NKAIN3: variants seen among roughly 807,000 people sequenced by gnomAD.
The protein encoded by NKAIN3 is sodium/potassium-transporting ATPase subunit beta-1-interacting protein 3.
In NKAIN3, 25 loss-of-function variants were observed where a neutral mutation model predicts 30.2. That is an observed-to-expected ratio of 0.83 (90% confidence interval 0.60 to 1.16). NKAIN3 has a LOEUF of 1.16. Ranked by LOEUF, NKAIN3 falls within the 50% of genes most tolerant of loss-of-function variation. The probability of loss-of-function intolerance (pLI) is 0.00; values close to 1 mark genes in which losing one functional copy is unlikely to be tolerated. For missense variants in NKAIN3, 225 were observed against 254.1 expected, an observed-to-expected ratio of 0.89 and a Z score of 0.78; for synonymous variants, 91 against 89.6, an observed-to-expected ratio of 1.02 and a Z score of -0.09.
chr8:62,407,042 A>G (rs1183080984), intron 1 of NKAIN3, among the ~76,000 whole-genome samples: 1 of 152,150 alleles, frequency 6.6e-6, no homozygotes, highest in African/African-American at 2.4e-5. Context: ...TGAATGTAAA[A>G]CATTTGCAAT....
At chr8:62,723,317 A>C (rs897894246) in intron 3 of NKAIN3, among the ~76,000 whole-genome samples, 3 of 152,130 alleles carry the variant, frequency 2.0e-5, no homozygotes, top group Admixed American at 6.6e-5. Flanking sequence ...CACACACACA[A>C]AAAATTGTTT....
rs77604681 is a variant in NKAIN3 at position 62,394,802 on chromosome 8, T to G, written c.54+145675T>G. Reference sequence around the variant, plus strand: ...GATGGTGGGGCGGCCAAGCAGAGACTCTCATCACTTCTCAGATGGTGGGGC... The same window carrying G: ...GATGGTGGGGCGGCCAAGCAGAGACGCTCATCACTTCTCAGATGGTGGGGC... On this transcript the variant is annotated intron_variant, in intron 1 of 6. Coordinates refer to ENST00000623646, the MANE Select transcript of NKAIN3 (RefSeq NM_001304533.3). Among the ~76,000 whole-genome samples, 456 of 95,804 alleles carry G rather than the reference T, an allele frequency of 4.8e-3. 1 individual carries two copies. The highest frequency in any genetic ancestry group is 0.01 in the Middle Eastern group (1 of 96). 62.9% of individuals were successfully genotyped at this position (95,804 alleles called of 152,430 possible).
At chr8:62,893,875 G>A (rs1022830593) in intron 4 of NKAIN3, among the ~76,000 whole-genome samples, 11 of 152,160 alleles carry the variant, frequency 7.2e-5, no homozygotes, top group African/African-American at 2.7e-4. Context: ...GTAAAACAGA[G>A]CCTTGAAAGG....
chr8:62,884,963 C>T (rs1211122339), intron 4 of NKAIN3, among the ~76,000 whole-genome samples: 4 of 151,844 alleles, frequency 2.6e-5, no homozygotes, highest in Admixed American at 2.6e-4. Context: ...ATTTTCTCTA[C>T]TGATTTTTTC....
rs1299730481 is a variant in NKAIN3, at chr8:62,421,935, G to A, written c.55-157604G>A. Reference sequence around the variant, plus strand: ...CTGGGATTCAAACTCAAGCCTCCAGGGCTCTGACTCCTCATCACTGCACAC... The same window carrying A: ...CTGGGATTCAAACTCAAGCCTCCAGAGCTCTGACTCCTCATCACTGCACAC... On this transcript the variant is annotated intron_variant, in intron 1 of 6. Coordinates refer to ENST00000623646, the MANE Select transcript of NKAIN3 (RefSeq NM_001304533.3). 2.0e-5 allele frequency among the ~76,000 whole-genome samples: 3 copies of A among 151,874 alleles called. No individual in the cohort carries two copies. In the East Asian group the frequency reaches 5.8e-4, roughly 29 times the overall value.
At chr8:62,325,760 G>A (rs1585682578) in intron 1 of NKAIN3, among the ~76,000 whole-genome samples, 2 of 151,934 alleles carry the variant, frequency 1.3e-5, no homozygotes, top group African/African-American at 4.8e-5. Flanking sequence ...TGAAATTCAA[G>A]TAACTTTAAT....
chr8:62,331,354 T>A (rs1563936843), intron 1 of NKAIN3, among the ~76,000 whole-genome samples: 1 of 152,006 alleles, frequency 6.6e-6, no homozygotes. Flanking sequence ...TGCCACCTGA[T>A]GCCTATCTCC....
At chr8:62,538,666 T>C (rs1808743717) in intron 1 of NKAIN3, among the ~76,000 whole-genome samples, 1 of 152,212 alleles carries the variant, frequency 6.6e-6, no homozygotes, top group African/African-American at 2.4e-5. Context: ...TTTCAGATAT[T>C]CCATATCACT....
intron 1 of NKAIN3, among the ~76,000 whole-genome samples, chr8:62,523,344 T>A (rs1808212564): frequency 6.6e-6 from 1 of 152,122 alleles, no homozygotes; most frequent in South Asian, 2.1e-4. Flanking sequence ...TCAGAACATA[T>A]CTCATTGTTA....
intron 5 of NKAIN3, among the ~76,000 whole-genome samples, chr8:62,930,749 G>T (rs1167144547): frequency 2.0e-5 from 3 of 151,424 alleles, no homozygotes; most frequent in Non-Finnish European, 1.5e-5. Flanking sequence ...TGTCACCCAG[G>T]CTAGAGTGCA....
At chr8:62,826,744 A>G (rs1464460810) in intron 4 of NKAIN3, among the ~76,000 whole-genome samples, 1 of 152,216 alleles carries the variant, frequency 6.6e-6, no homozygotes, top group Admixed American at 6.5e-5. Flanking sequence ...GGAAATGCTA[A>G]TTAATTATAC....
rs149912269 is a variant in NKAIN3, at chr8:62,991,812, T to C, written c.533-7419T>C. Among the ~76,000 whole-genome samples the C allele has an allele frequency of 1.3e-3, 192 of 152,338 alleles. 1 individual carries two copies. The Middle Eastern group carries it at 0.024, about 19-fold the overall frequency. On this transcript the variant is annotated intron_variant, in intron 5 of 5. Coordinates refer to the NKAIN3 transcript ENST00000519049. ...TGTTAATGCAATACTTTTAGAACTC[T>C]TTAATTGAACGTGTCTTTAAGGGAC...
rs6983896 is a variant in NKAIN3 at position 62,974,656 on chromosome 8, A to G, written c.*9249A>G. Among the ~76,000 whole-genome samples, 1 of 152,036 alleles carries G rather than the reference A, an allele frequency of 6.6e-6. No homozygotes were observed. The highest frequency in any genetic ancestry group is 1.5e-5 in the Non-Finnish European group (1 of 67,988). ...TTCCTATTCGAATACGCTTTATTTCATTCTCTTGCCTGTTTGCCCTGGCCA... is the reference window on the plus strand; with the variant it reads ...TTCCTATTCGAATACGCTTTATTTCGTTCTCTTGCCTGTTTGCCCTGGCCA... On this transcript the variant is annotated 3_prime_UTR_variant, in exon 7 of 7. Coordinates refer to ENST00000623646, the MANE Select transcript of NKAIN3 (RefSeq NM_001304533.3).
intron 1 of NKAIN3, among the ~76,000 whole-genome samples, chr8:62,407,189 G>A (rs2129595629): frequency 6.6e-6 from 1 of 151,756 alleles, no homozygotes; most frequent in Non-Finnish European, 1.5e-5. Context: ...ACCATTCAGA[G>A]ATAAACATAT....
chr8:62,621,551 CTTTTTCAT>C (rs1563487461), intron 3 of NKAIN3, among the ~76,000 whole-genome samples: 2 of 151,798 alleles, frequency 1.3e-5, no homozygotes, highest in African/African-American at 4.8e-5. Flanking sequence ...GCATTTTTCA[CTTTTTCAT>C]ATAATAAAAG....
chr8:62,385,018 T>C (rs1329099126), intron 1 of NKAIN3, among the ~76,000 whole-genome samples: 1 of 152,160 alleles, frequency 6.6e-6, no homozygotes, highest in East Asian at 1.9e-4. Context: ...CTGAATTTAT[T>C]CATTTTGGGA....
chr8:62,347,483 C>T (rs983306368), intron 1 of NKAIN3, among the ~76,000 whole-genome samples: 1 of 151,926 alleles, frequency 6.6e-6, no homozygotes, highest in Non-Finnish European at 1.5e-5. Flanking sequence ...GTTTCAAAGG[C>T]GTATCTTGAC....
At chr8:62,378,591 C>T (rs1817171740) in intron 1 of NKAIN3, among the ~76,000 whole-genome samples, 1 of 152,188 alleles carries the variant, frequency 6.6e-6, no homozygotes, top group Non-Finnish European at 1.5e-5. Flanking sequence ...CCAGTATAGT[C>T]TAAAAGGGGC....
chr8:62,843,675 AGACTTTT>A (rs1441192964), intron 4 of NKAIN3, among the ~76,000 whole-genome samples: 11 of 152,058 alleles, frequency 7.2e-5, no homozygotes, highest in Non-Finnish European at 1.0e-4. Context: ...GATTCATGTT[AGACTTTT>A]GACTTCTAGA....
Sources: gnomAD v4.1 joint callset for allele counts (sites outside exome capture counted in the v4.1 genomes callset) on GRCh38, gnomAD v4.1.1 for gene constraint, MANE v1.5 for transcripts, NCBI Gene and HGNC (gene_info 2026-07-23, HGNC 2026-07-21) for gene names.